The following CRISPLD2 variants were observed in gnomAD, a reference collection of about 807,000 sequenced individuals.
CRISPLD2 encodes the protein cysteine rich secretory protein LCCL domain containing 2.
In CRISPLD2, 47 loss-of-function variants were observed where a neutral mutation model predicts 71.1. The observed-to-expected ratio is 0.66, with a 90% confidence interval of 0.52 to 0.84. CRISPLD2 has a LOEUF of 0.84. Among genes scored for constraint, CRISPLD2 ranks in the 40% least tolerant of loss-of-function variants. The pLI is 0.00. For synonymous variants in CRISPLD2, 317 were observed against 250.1 expected (o/e 1.27, Z -2.52); for missense variants, 830 against 651.1 (o/e 1.27, Z -2.99).
intron 8 of CRISPLD2, among the ~76,000 whole-genome samples, chr16:84,869,389 C>G (rs2071446181): frequency 6.6e-6 from 1 of 152,204 alleles, no homozygotes; most frequent in East Asian, 1.9e-4. Flanking sequence ...TGCTCGTCTT[C>G]CTACGAATTC....
Position 84,908,282 on chromosome 16 carries a change from T to C in CRISPLD2, c.*1640T>C, listed in dbSNP as rs2071822514. 1 of 152,222 alleles carries C rather than the reference T, an allele frequency of 6.6e-6. No homozygotes were observed. The highest frequency in any genetic ancestry group is 1.5e-5 in the Non-Finnish European group (1 of 68,036). 9.4% of individuals were successfully genotyped at this position (152,222 alleles called of 1,614,324 possible). A position where few individuals can be genotyped will look rare whatever the true frequency, so the allele number is the denominator to read the frequency against. On this transcript the variant is annotated 3_prime_UTR_variant, in exon 15 of 15. Transcript: ENST00000262424. ...GCTAAAATTCACAGGACTACGTGCT[T>C]TGTGCATTGTAGTCTAGTCGTAATT...
intron 1 of CRISPLD2, among the ~76,000 whole-genome samples, chr16:84,824,091 G>C (rs77396287): frequency 0.015 from 2,258 of 152,300 alleles, 64 homozygotes; most frequent in African/African-American, 0.052. Context: ...GAAACAGGCA[G>C]GGTTTTGCGA....
chr16:84,862,672 CTTTTTTTTTTT>C, intron 6 of CRISPLD2, among the ~76,000 whole-genome samples: 1 of 99,196 alleles, frequency 1.0e-5, no homozygotes, highest in African/African-American at 4.2e-5. Context: ...GTGGCCCAGG[CTTTTTTTTTTT>C]TTTTTTTTTT....
intron 14 of CRISPLD2, among the ~76,000 whole-genome samples, chr16:84,904,907 T>G (rs1567709069): frequency 6.6e-6 from 1 of 152,222 alleles, no homozygotes; most frequent in South Asian, 2.1e-4. Flanking sequence ...TTGCTAGATA[T>G]GACGCCAAAA....
At chr16:84,884,236 C>T (rs1051217682) in intron 13 of CRISPLD2, among the ~76,000 whole-genome samples, 4 of 152,168 alleles carry the variant, frequency 2.6e-5, no homozygotes, top group Non-Finnish European at 5.9e-5. Context: ...GTGGCAGTCC[C>T]GCCTCTGATC....
intron 1 of CRISPLD2, among the ~76,000 whole-genome samples, chr16:84,837,517 C>T (rs371420235): frequency 1.3e-5 from 2 of 151,724 alleles, no homozygotes; most frequent in East Asian, 1.9e-4. Context: ...CCCGGGTTCA[C>T]GCCATTCTCC....
intron 14 of CRISPLD2, among the ~76,000 whole-genome samples, chr16:84,889,712 T>C (rs2143346493): frequency 6.6e-6 from 1 of 151,938 alleles, no homozygotes; most frequent in African/African-American, 2.4e-5. Flanking sequence ...GAGAATTTAC[T>C]GTTAGATTTC....
rs917236306 is a variant in CRISPLD2, at chr16:84,867,027, G to A, written c.840G>A (p.Ala280=). The change falls in exon 7 of 15, where the codon GCG becomes GCA. Residue 280 remains alanine, a synonymous_variant. Transcript: ENST00000262424. ...CCACCAAGCCCAAGAAAACCTCTGCGGTCAACTACATGAGTGAGTCTAGGC... is the reference window on the plus strand; with the variant it reads ...CCACCAAGCCCAAGAAAACCTCTGCAGTCAACTACATGAGTGAGTCTAGGC... ...MRPTKPKKTS[A]VNYMTQVVRC... 4.3e-6 allele frequency: 7 copies of A among 1,613,900 alleles called. No homozygotes were observed. In the African/African-American group the frequency reaches 5.3e-5, roughly 12 times the overall value.
At chr16:84,861,767 T>G (rs1917388153) in intron 6 of CRISPLD2, among the ~76,000 whole-genome samples, 1 of 151,964 alleles carries the variant, frequency 6.6e-6, no homozygotes, top group African/African-American at 2.4e-5. Context: ...CTACAAAAAA[T>G]AAATAGAAAA....
At chr16:84,882,627 A>G (rs1453480688) in intron 13 of CRISPLD2, among the ~76,000 whole-genome samples, 2 of 152,110 alleles carry the variant, frequency 1.3e-5, no homozygotes, top group Non-Finnish European at 2.9e-5. Flanking sequence ...CTGGTCTCGA[A>G]CCCCTGACCT....
intron 1 of CRISPLD2, among the ~76,000 whole-genome samples, chr16:84,837,012 C>T (rs1469578119): frequency 6.6e-6 from 1 of 152,208 alleles, no homozygotes; most frequent in Non-Finnish European, 1.5e-5. Context: ...CCTAACTGAG[C>T]TCCTTGAGGC....
intron 1 of CRISPLD2, among the ~76,000 whole-genome samples, chr16:84,827,905 C>G (rs918460765): frequency 6.6e-6 from 1 of 152,104 alleles, no homozygotes; most frequent in East Asian, 1.9e-4. Flanking sequence ...AGGACCTTGC[C>G]GTCTACCCCA....
At chr16:84,868,362 C>T (rs1394321059) in intron 7 of CRISPLD2, among the ~76,000 whole-genome samples, 1 of 152,162 alleles carries the variant, frequency 6.6e-6, no homozygotes, top group Non-Finnish European at 1.5e-5. Context: ...ATAAACAAAG[C>T]AAAAAGCTTT....
chr16:84,835,824 C>G lies in CRISPLD2; in HGVS notation c.-74-2598C>G, dbSNP rs150458046. 1.3e-4 allele frequency among the ~76,000 whole-genome samples: 20 copies of G among 152,294 alleles called. No homozygotes were observed. The East Asian group carries it at 3.1e-3, about 24-fold the overall frequency. ...AGAACAAAGGCGGCCAGTCAGATCT[C>G]CTGGGATAGCTCACGCTGGCTCAGG... On this transcript the variant is annotated intron_variant, in intron 1 of 14. Transcript: ENST00000262424.
chr16:84,869,893 C>G (rs1180691007), intron 8 of CRISPLD2, among the ~76,000 whole-genome samples: 2 of 152,216 alleles, frequency 1.3e-5, no homozygotes, highest in Admixed American at 6.5e-5. Context: ...TATTGGAGAA[C>G]ATTCCTTGTC....
chr16:84,848,477 G>T (rs981409644), intron 3 of CRISPLD2, among the ~76,000 whole-genome samples: 1 of 144,026 alleles, frequency 6.9e-6, no homozygotes, highest in Non-Finnish European at 1.5e-5. Context: ...AAAAAAAATG[G>T]TGCCAACCTT....
intron 1 of CRISPLD2, among the ~76,000 whole-genome samples, chr16:84,837,866 C>T (rs1018995660): frequency 9.9e-5 from 15 of 152,132 alleles, no homozygotes; most frequent in East Asian, 3.9e-4. Flanking sequence ...CTTGGCTGGA[C>T]GTGGTTCTGG....
At chr16:84,828,008 GC>G (rs1239567805) in intron 1 of CRISPLD2, among the ~76,000 whole-genome samples, 5 of 152,168 alleles carry the variant, frequency 3.3e-5, no homozygotes, top group Non-Finnish European at 5.9e-5. Context: ...CCTGTCCGCT[GC>G]CCGTTTGTTT....
intron 1 of CRISPLD2, among the ~76,000 whole-genome samples, chr16:84,827,045 C>G (rs563504898): frequency 6.6e-6 from 1 of 152,030 alleles, no homozygotes; most frequent in Admixed American, 6.5e-5. Context: ...GTCTCTGTAC[C>G]GGCAGAGAGA....
Sources: gnomAD v4.1 joint callset for allele counts (sites outside exome capture counted in the v4.1 genomes callset) on GRCh38, gnomAD v4.1.1 for gene constraint, MANE v1.5 for transcripts, NCBI Gene and HGNC (gene_info 2026-07-23, HGNC 2026-07-21) for gene names.